Variants in CACNA1A observed in about 807,000 individuals in gnomAD.
CACNA1A encodes the protein voltage-dependent P/Q-type calcium channel subunit alpha-1A.
A neutral mutation model predicts 262.4 loss-of-function variants in CACNA1A; 57 were observed. That is an observed-to-expected ratio of 0.22 (90% CI 0.18 to 0.27). The LOEUF (loss-of-function observed/expected upper bound fraction) is 0.27. Among genes scored for constraint, CACNA1A ranks in the 10% least tolerant of loss-of-function variants. The pLI is 1.00. For missense variants in CACNA1A, 2,526 were observed against 3,562.8 expected, an observed-to-expected ratio of 0.71 and a Z score of 7.41; for synonymous variants, 1,431 against 1,419.3, an observed-to-expected ratio of 1.01 and a Z score of -0.18.
At chr19:13,479,900 C>G (rs770953297) in intron 1 of CACNA1A, among the ~76,000 whole-genome samples, 13 of 152,218 alleles carry the variant, frequency 8.5e-5, no homozygotes, top group Non-Finnish European at 1.6e-4. Context: ...TGGCCCATGG[C>G]TTGTTTGTGT....
intron 1 of CACNA1A, among the ~76,000 whole-genome samples, chr19:13,466,307 CTT>C (rs558130236): frequency 2.0e-4 from 27 of 134,200 alleles, no homozygotes; most frequent in African/African-American, 6.2e-4. Context: ...AGGCTCTGTC[CTT>C]TTTTTTTTTT....
intron 24 of CACNA1A, among the ~76,000 whole-genome samples, chr19:13,266,086 C>T (rs2144787121): frequency 6.6e-6 from 1 of 152,264 alleles, no homozygotes; most frequent in East Asian, 1.9e-4. Flanking sequence ...TCAAGTGATC[C>T]ACCTGCCTCG....
intron 6 of CACNA1A, among the ~76,000 whole-genome samples, chr19:13,348,386 A>G (rs2058832754): frequency 3.3e-5 from 5 of 150,492 alleles, no homozygotes; most frequent in Admixed American, 6.7e-5. Flanking sequence ...AAGAGAAGGA[A>G]GAGAGAGAGA....
chr19:13,224,603 G>A, intron 38 of CACNA1A, 64 bp downstream of exon 38: 2 of 1,079,208 alleles, frequency 1.9e-6, no homozygotes, highest in Non-Finnish European at 2.8e-6. Context: ...GTTTGGGGTA[G>A]GGAGGGAGAT....
rs533297364 is a variant in CACNA1A, at chr19:13,433,460, C to CAAAAAAAAAAAAAAAAAAAA, written c.539+19396_539+19415dup. ...TCGGCAACAAAGCAAGACGCTGTCT[C>CAAAAAAAAAAAAAAAAAAAA]AAAAAAAAAAAAAAAAAAAAAAAGT... On this transcript the variant is annotated intron_variant, in intron 3 of 46. Coordinates refer to ENST00000360228, the MANE Select transcript of CACNA1A (RefSeq NM_001127222.2). 6.3e-3 allele frequency among the ~76,000 whole-genome samples: 477 copies of CAAAAAAAAAAAAAAAAAAAA among 76,152 alleles called. 26 individuals carry two copies. The highest frequency in any genetic ancestry group is 0.023 in the Middle Eastern group (3 of 132). The allele number at this position is 76,152 out of a possible 152,430, so 50.0% of individuals were successfully genotyped here.
chr19:13,466,939 G>A (rs2061256132), intron 1 of CACNA1A, among the ~76,000 whole-genome samples: 1 of 143,758 alleles, frequency 7.0e-6, no homozygotes, highest in Admixed American at 6.9e-5. Context: ...TCGCTATGTT[G>A]CCCAGGCTAG....
intron 1 of CACNA1A, among the ~76,000 whole-genome samples, chr19:13,491,915 G>A (rs1330525324): frequency 6.6e-6 from 1 of 152,088 alleles, no homozygotes; most frequent in Non-Finnish European, 1.5e-5. Flanking sequence ...GAGGGAGGAG[G>A]CCGATACCTA....
intron 8 of CACNA1A, 129 bp downstream of exon 8, chr19:13,334,249 A>G: frequency 1.6e-6 from 1 of 614,384 alleles, no homozygotes; most frequent in East Asian, 2.7e-5. Flanking sequence ...ATTTGGGACT[A>G]CCAATTCAGG....
Position 13,298,782 on chromosome 19 carries a change from C to T in CACNA1A, c.2851G>A (p.Ala951Thr). The T allele has an allele frequency of 6.5e-7, 1 of 1,534,918 alleles. No homozygotes were observed. Among genetic ancestry groups the T allele is most frequent in the Non-Finnish European group, 8.7e-7 (1 of 1,151,068 alleles). ...CGATGACGTCGATGCTCCCCGTCCG[C>T]GCCCGTGCGCGGGGACCCGCTGCGG... The part of the protein sequence containing the change: ...ESRSGSPRTG[A>T]DGEHRRHRAH... Residue 951 changes from alanine to threonine, a missense_variant, in exon 19 of 47, where the codon GCG (alanine) becomes ACG (threonine). Around this residue, in one of 17 missense-constraint regions of CACNA1A, gnomAD observed 765 missense variants for 748.6 expected, o/e 1.02. Transcript: ENST00000360228.
At chr19:13,458,586 T>A (rs916748041) in intron 1 of CACNA1A, among the ~76,000 whole-genome samples, 4 of 152,192 alleles carry the variant, frequency 2.6e-5, no homozygotes, top group African/African-American at 9.7e-5. Flanking sequence ...GTCCAGTAAG[T>A]ATCTCTAGAT....
At chr19:13,505,531 C>T (rs1029223925) in intron 1 of CACNA1A, among the ~76,000 whole-genome samples, 2 of 152,120 alleles carry the variant, frequency 1.3e-5, no homozygotes, top group African/African-American at 4.8e-5. Flanking sequence ...CCCCATAGTT[C>T]CCCTGCCCTG....
intron 3 of CACNA1A, among the ~76,000 whole-genome samples, chr19:13,445,359 C>T (rs1005522461): frequency 6.6e-6 from 1 of 152,190 alleles, no homozygotes; most frequent in African/African-American, 2.4e-5. Context: ...TGTCTTATAT[C>T]TCATCTGATG....
chr19:13,256,319 T>A (rs1029305665), intron 28 of CACNA1A: 2 of 152,056 alleles, frequency 1.3e-5, no homozygotes, highest in Admixed American at 1.3e-4. Context: ...ACTGAATACT[T>A]TGCTGCGTCT....
chr19:13,235,891 A>G (rs2144650612), intron 31 of CACNA1A, 161 bp from the exon 32 acceptor site: 1 of 580,468 alleles, frequency 1.7e-6, no homozygotes. Context: ...GCAATGATGC[A>G]GAGGAAAAAC....
intron 19 of CACNA1A, among the ~76,000 whole-genome samples, chr19:13,294,487 C>CTTTTTTTTTTTTTTTTTTTTTTTT (rs780908964): frequency 1.9e-4 from 14 of 72,526 alleles, no homozygotes; most frequent in South Asian, 1.6e-3. Context: ...CTGTACCTGG[C>CTTTTTTTTTTTTTTTTTTTTTTTT]TTTTTTTTTT....
chr19:13,208,834 GT>G lies in CACNA1A; in HGVS notation c.6701del (p.Asp2234AlafsTer32), dbSNP rs1204175797. The G allele has an allele frequency of 6.5e-7, 1 of 1,541,592 alleles. No individual in the cohort carries two copies. The highest frequency in any genetic ancestry group is 8.7e-7 in the Non-Finnish European group (1 of 1,150,564). ...GGTCCCGAGCCCGTGCCCGGCCGTG[GT>G]CCGGCCGTTCCTGGGCATAGCGGTC... ...DKDRYAQERP[D>X]HGRARARDQR... On this transcript the variant is annotated frameshift_variant, in exon 46 of 47. Transcript: ENST00000360228. LOFTEE classifies it high-confidence loss of function.
At chr19:13,248,567 G>A (rs188388504) in intron 30 of CACNA1A, among the ~76,000 whole-genome samples, 1 of 152,164 alleles carries the variant, frequency 6.6e-6, no homozygotes, top group East Asian at 1.9e-4. Flanking sequence ...TGCAGGCTAG[G>A]TACGGTGGCT....
Position 13,419,359 on chromosome 19 carries a change from C to T in CACNA1A, c.539+33517G>A, listed in dbSNP as rs80211446. ...CATGATGTCCACACAATGACAAAAT[C>T]GCCTATTGACTCAGTTCTTAGACTA... is the stretch of plus-strand genomic sequence containing the variant. On this transcript the variant is annotated intron_variant, in intron 3 of 46. Coordinates refer to ENST00000360228, the MANE Select transcript of CACNA1A (RefSeq NM_001127222.2). 3.7e-3 allele frequency among the ~76,000 whole-genome samples: 563 copies of T among 152,248 alleles called. 5 individuals are homozygous for T. The highest frequency in any genetic ancestry group is 0.012 in the African/African-American group (517 of 41,556).
At chr19:13,371,550 T>C (rs980193398) in intron 4 of CACNA1A, 138 bp downstream of exon 4, 19 of 657,494 alleles carry the variant, frequency 2.9e-5, no homozygotes, top group Non-Finnish European at 5.2e-5. Context: ...GGGTTCCCTA[T>C]AGGGAGTCCC....
Sources: allele counts gnomAD v4.1 joint callset (sites outside exome capture counted in the v4.1 genomes callset), GRCh38; gene constraint gnomAD v4.1.1; regional missense constraint gnomAD v4.1.1; transcripts MANE v1.5; gene names NCBI Gene and HGNC (gene_info 2026-07-23, HGNC 2026-07-21).